Variants in TMEM272 observed in about 807,000 individuals in gnomAD.
The protein encoded by TMEM272 is transmembrane protein 272.
TMEM272 carries 8 observed loss-of-function variants against 3.7 expected under a neutral mutation model. That is an observed-to-expected ratio of 2.17 (90% CI 1.27 to 3.91). The LOEUF is 3.91. Ranked by LOEUF, TMEM272 falls within the 30% of genes most tolerant of loss-of-function variation. The pLI, the probability that TMEM272 is intolerant of heterozygous loss-of-function variation, is 0.00. For missense variants in TMEM272, 166 were observed against 91.5 expected, an observed-to-expected ratio of 1.81 and a Z score of -3.32; for synonymous variants, 63 against 39.8, an observed-to-expected ratio of 1.58 and a Z score of -2.20.
chr13:51,907,600 T>C, the TMEM272 span, among the ~76,000 whole-genome samples: 2 of 152,182 alleles, frequency 1.3e-5, no homozygotes, highest in South Asian at 2.1e-4. Context: ...CTTGCCTCAC[T>C]CATTCCTTCC....
chr13:51,911,635 T>C, the TMEM272 span, among the ~76,000 whole-genome samples: 1 of 152,242 alleles, frequency 6.6e-6, no homozygotes, highest in African/African-American at 2.4e-5. Flanking sequence ...ATATTTTTGC[T>C]TAATTGGTTT....
the TMEM272 span, among the ~76,000 whole-genome samples, chr13:51,880,332 A>G: frequency 6.6e-6 from 1 of 152,060 alleles, no homozygotes; most frequent in East Asian, 1.9e-4. Context: ...ACAAAGAAAG[A>G]CTGAGGATCT....
chr13:51,909,754 T>G, the TMEM272 span: 2 of 1,562,412 alleles, frequency 1.3e-6, no homozygotes, highest in Non-Finnish European at 1.8e-6. Context: ...AATTCCAAGT[T>G]ACCATCATCC....
the TMEM272 span, among the ~76,000 whole-genome samples, chr13:51,911,605 A>G: frequency 6.6e-6 from 1 of 152,170 alleles, no homozygotes. Context: ...AATGTCCTTC[A>G]CGTACTAGAT....
intron 1 of TMEM272, among the ~76,000 whole-genome samples, chr13:51,840,776 T>G (rs1478577183): frequency 6.6e-6 from 1 of 152,210 alleles, no homozygotes; most frequent in African/African-American, 2.4e-5. Flanking sequence ...CAAGGCTCCA[T>G]TTTCCCCCAC....
the TMEM272 span, among the ~76,000 whole-genome samples, chr13:51,905,450 G>C: frequency 6.6e-6 from 1 of 152,188 alleles, no homozygotes; most frequent in Non-Finnish European, 1.5e-5. Context: ...ACCTTCTTCA[G>C]AGCAACCCAA....
At chr13:51,928,224 T>C in the TMEM272 span, among the ~76,000 whole-genome samples, 12 of 152,326 alleles carry the variant, frequency 7.9e-5, no homozygotes, top group East Asian at 2.1e-3. Context: ...TGGCCCAACA[T>C]AGAAAGGTGG....
chr13:51,861,758 T>A, the TMEM272 span, among the ~76,000 whole-genome samples: 1 of 152,000 alleles, frequency 6.6e-6, no homozygotes, highest in Non-Finnish European at 1.5e-5. Context: ...TCCAAGAAGC[T>A]CAACAATCTC....
At chr13:51,847,983 T>C (rs1471837899), upstream of TMEM272, among the ~76,000 whole-genome samples, 1 of 151,966 alleles carries the variant, frequency 6.6e-6, no homozygotes, top group Non-Finnish European at 1.5e-5. Flanking sequence ...AAATAGGAGA[T>C]TTTTGTGGGG....
At chr13:51,871,823 CACACACACACACACACACACAA>C in the TMEM272 span, among the ~76,000 whole-genome samples, 754 of 149,240 alleles carry the variant, frequency 5.1e-3, 11 homozygotes, top group African/African-American at 0.018. Context: ...CACACACACA[CACACACACACACACACACACAA>C]ACAGAGACGC....
At position 51,813,496 on chromosome 13, in the gene TMEM272, G is replaced by A. The variant is rs944791424; in HGVS notation, c.*3255C>T. The A allele has an allele frequency of 8.0e-6, 3 of 377,016 alleles. No homozygotes were observed. The highest frequency in any genetic ancestry group is 1.4e-5 in the Non-Finnish European group (3 of 213,272). 23.4% of individuals were successfully genotyped at this position (377,016 alleles called of 1,614,324 possible). ...GGAAATAACACGAAGTACTGGAAGT[G>A]ACATTATATTGTCCTCATGGTGACA... On this transcript the variant is annotated 3_prime_UTR_variant, in exon 5 of 5. Transcript: ENST00000629372.
chr13:51,891,323 T>C, the TMEM272 span, among the ~76,000 whole-genome samples: 3 of 152,358 alleles, frequency 2.0e-5, no homozygotes, highest in Non-Finnish European at 4.4e-5. Flanking sequence ...TTTGCTTTTT[T>C]TCTACAAAGC....
the TMEM272 span, chr13:51,908,339 G>A: frequency 2.1e-6 from 3 of 1,442,274 alleles, no homozygotes; most frequent in Non-Finnish European, 2.9e-6. Context: ...CAGGTCTTGG[G>A]GGAAGGTAAG....
At chr13:51,908,516 T>C in the TMEM272 span, 2 of 1,449,130 alleles carry the variant, frequency 1.4e-6, no homozygotes, top group South Asian at 1.1e-5. Flanking sequence ...TCGTATCCAC[T>C]GGAAACAATG....
chr13:51,852,896 A>T, the TMEM272 span, among the ~76,000 whole-genome samples: 16 of 151,820 alleles, frequency 1.1e-4, no homozygotes, highest in Non-Finnish European at 1.9e-4. Flanking sequence ...AAAAAAAAAA[A>T]ATACAGTTGA....
chr13:51,864,824 C>G, the TMEM272 span, among the ~76,000 whole-genome samples: 1 of 152,180 alleles, frequency 6.6e-6, no homozygotes, highest in African/African-American at 2.4e-5. Context: ...TCGTCTCTCA[C>G]CTTTTTGTTT....
intron 2 of TMEM272, among the ~76,000 whole-genome samples, chr13:51,833,737 T>G (rs1366851395): frequency 2.6e-5 from 4 of 151,946 alleles, no homozygotes; most frequent in African/African-American, 9.7e-5. Context: ...ACTGCCTGCT[T>G]TTGAGATTTT....
chr13:51,932,627 G>A, the TMEM272 span: 2 of 152,328 alleles, frequency 1.3e-5, no homozygotes, highest in Middle Eastern at 3.4e-3. Flanking sequence ...GTGAAGACAA[G>A]ACGGCACTGG....
At chr13:51,837,448 C>T (rs1002803247) in intron 2 of TMEM272, among the ~76,000 whole-genome samples, 11 of 152,238 alleles carry the variant, frequency 7.2e-5, no homozygotes, top group African/African-American at 2.4e-4. Context: ...CTGGCCCTCA[C>T]AGCAGTAGGT....
Sources: allele counts gnomAD v4.1 joint callset (sites outside exome capture counted in the v4.1 genomes callset), GRCh38; gene constraint gnomAD v4.1.1; transcripts MANE v1.5; gene names NCBI Gene and HGNC (gene_info 2026-07-23, HGNC 2026-07-21).